The following TMEM266 variants were observed in gnomAD, a reference collection of about 807,000 sequenced individuals.
TMEM266 encodes Hv1 related protein 1.
TMEM266 carries 33 observed loss-of-function variants against 50.5 expected under a neutral mutation model. That is an observed-to-expected ratio of 0.65 (90% CI 0.50 to 0.87). The LOEUF is 0.87. TMEM266 is among the 40% of genes least tolerant of loss of function. The probability of loss-of-function intolerance (pLI) is 0.00; values close to 1 mark genes in which losing one functional copy is unlikely to be tolerated. For missense variants in TMEM266, 655 were observed against 695.1 expected (o/e 0.94, Z 0.65); for synonymous variants, 310 against 292.3 (o/e 1.06, Z -0.62).
intron 9 of TMEM266, among the ~76,000 whole-genome samples, chr15:76,194,487 T>A (rs1249778707): frequency 1.3e-5 from 2 of 152,192 alleles, no homozygotes; most frequent in African/African-American, 4.8e-5. Context: ...CCCACGCCCC[T>A]TAGGCTGGTG....
intron 8 of TMEM266, among the ~76,000 whole-genome samples, chr15:76,189,965 C>A (rs1349194599): frequency 6.6e-6 from 1 of 152,250 alleles, no homozygotes; most frequent in Non-Finnish European, 1.5e-5. Context: ...CCTATAGACA[C>A]TGACATTGGG....
intron 8 of TMEM266, among the ~76,000 whole-genome samples, chr15:76,187,755 TCA>T (rs1359763123): frequency 6.6e-6 from 1 of 152,218 alleles, no homozygotes; most frequent in East Asian, 1.9e-4. Context: ...GCATGAGGCC[TCA>T]GTCTTTGTCT....
At chr15:76,119,404 A>AAG (rs2037303933) in intron 1 of TMEM266, among the ~76,000 whole-genome samples, 1 of 149,972 alleles carries the variant, frequency 6.7e-6, no homozygotes, top group Non-Finnish European at 1.5e-5. Flanking sequence ...AAAAAAAAAA[A>AAG]AAAAAAAAGA....
intron 9 of TMEM266, among the ~76,000 whole-genome samples, chr15:76,197,321 T>G (rs899887019): frequency 1.3e-5 from 2 of 152,196 alleles, no homozygotes; most frequent in Non-Finnish European, 2.9e-5. Context: ...GGACATGGGT[T>G]TAGAACTGAG....
At chr15:76,090,268 G>T (rs2036830706) in intron 1 of TMEM266, among the ~76,000 whole-genome samples, 1 of 152,008 alleles carries the variant, frequency 6.6e-6, no homozygotes, top group South Asian at 2.1e-4. Context: ...GAGGTGGGTG[G>T]ATTGCTTGAG....
At chr15:76,094,707 A>G (rs1026723910) in intron 1 of TMEM266, among the ~76,000 whole-genome samples, 1 of 152,108 alleles carries the variant, frequency 6.6e-6, no homozygotes, top group East Asian at 1.9e-4. Flanking sequence ...TACTTTCAGC[A>G]GTATAGCCAT....
chr15:76,197,069 G>C (rs2038667582), intron 9 of TMEM266, among the ~76,000 whole-genome samples: 1 of 152,232 alleles, frequency 6.6e-6, no homozygotes, highest in Non-Finnish European at 1.5e-5. Context: ...ACTGCCGCAG[G>C]GGTGCATGCG....
At chr15:76,132,156 T>C (rs983302294) in intron 1 of TMEM266, among the ~76,000 whole-genome samples, 11 of 151,716 alleles carry the variant, frequency 7.3e-5, no homozygotes, top group Non-Finnish European at 1.5e-4. Context: ...TCGCCTAGGC[T>C]GGAGTGCAGT....
intron 1 of TMEM266, among the ~76,000 whole-genome samples, chr15:76,085,632 G>A (rs909268008): frequency 2.0e-5 from 3 of 152,150 alleles, no homozygotes; most frequent in Non-Finnish European, 4.4e-5. Context: ...TTATAAAATG[G>A]TATAGCCACT....
chr15:76,196,065 T>C (rs537916197), intron 9 of TMEM266, among the ~76,000 whole-genome samples: 1 of 152,278 alleles, frequency 6.6e-6, no homozygotes, highest in South Asian at 2.1e-4. Context: ...ACTGATAGGC[T>C]ATGTGTCACC....
chr15:76,129,555 A>G (rs1218224918), intron 1 of TMEM266, among the ~76,000 whole-genome samples: 1 of 152,032 alleles, frequency 6.6e-6, no homozygotes, highest in African/African-American at 2.4e-5. Flanking sequence ...GCAGGAGAAT[A>G]ACTTGAACCC....
intron 1 of TMEM266, among the ~76,000 whole-genome samples, chr15:76,095,099 C>A (rs887940525): frequency 3.3e-5 from 5 of 151,946 alleles, no homozygotes. Context: ...TTTGAATACC[C>A]TTTATTTCTT....
chr15:76,188,583 C>T (rs1313962348), intron 8 of TMEM266, among the ~76,000 whole-genome samples: 4 of 152,060 alleles, frequency 2.6e-5, no homozygotes, highest in South Asian at 2.1e-4. Flanking sequence ...GCCCGGGTGA[C>T]GGAGCAAGAC....
chr15:76,135,653 C>T (rs885388), intron 2 of TMEM266, among the ~76,000 whole-genome samples: 64,796 of 151,994 alleles, frequency 0.43, 15,270 homozygotes, highest in East Asian at 0.64. Context: ...TTGAGAAACA[C>T]TGAAACCTCA....
intron 1 of TMEM266, among the ~76,000 whole-genome samples, chr15:76,072,647 C>CT (rs1195063750): frequency 4.0e-5 from 6 of 149,870 alleles, no homozygotes; most frequent in South Asian, 2.1e-4. Flanking sequence ...TTTTTTCTTT[C>CT]TTTTTTTTTG....
chr15:76,190,520 C>T (rs2038552079), intron 8 of TMEM266, among the ~76,000 whole-genome samples: 1 of 150,922 alleles, frequency 6.6e-6, no homozygotes, highest in Non-Finnish European at 1.5e-5. Context: ...ACAGAAGCCA[C>T]GGCTGTAGGG....
Position 76,137,726 on chromosome 15 carries a change from A to G in TMEM266, c.58A>G (p.Ile20Val), listed in dbSNP as rs771915334. 2 of 1,614,130 alleles carry G rather than the reference A, an allele frequency of 1.2e-6. No individual in the cohort carries two copies. The highest frequency in any genetic ancestry group is 2.2e-5 in the South Asian group (2 of 91,084). The change falls in exon 3 of 11, where the codon ATT (isoleucine) becomes GTT (valine). Residue 20 changes from isoleucine to valine, a missense_variant. By Grantham distance (29) the Ile-to-Val change is conservative. Around this residue, in one of 3 missense-constraint regions of TMEM266, gnomAD observed 99 missense variants for 110.8 expected, o/e 0.89. Transcript: ENST00000388942. Reference sequence around the variant, plus strand: ...ACCCAGGCCTGCCATAGAAGGAGGAATTTCTGAAGTTGAGATCATCTCCCA... The same window carrying G: ...ACCCAGGCCTGCCATAGAAGGAGGAGTTTCTGAAGTTGAGATCATCTCCCA...
rs570941000 is a variant in TMEM266, at chr15:76,129,641, TCAAAA to T, written c.-96-4522_-96-4518del. On this transcript the variant is annotated intron_variant, in intron 1 of 10. Transcript: ENST00000388942. Reference sequence around the variant, plus strand: ...TGGGCAACAAGAGTGAAACTCCATCTCAAAACAAATAAATAAACAAAAAACAAAAC... The same window carrying T: ...TGGGCAACAAGAGTGAAACTCCATCTCAAATAAATAAACAAAAAACAAAAC... Among the ~76,000 whole-genome samples the T allele has an allele frequency of 5.4e-3, 820 of 150,872 alleles. 6 individuals carry two copies. The highest frequency in any genetic ancestry group is 0.019 in the African/African-American group (787 of 41,068).
chr15:76,140,638 T>TGA (rs1408330668), intron 3 of TMEM266, among the ~76,000 whole-genome samples: 1 of 152,178 alleles, frequency 6.6e-6, no homozygotes, highest in Admixed American at 6.5e-5. Context: ...TCCCTGAATC[T>TGA]GAGACCGTTA....
Sources: gnomAD v4.1 joint callset for allele counts (sites outside exome capture counted in the v4.1 genomes callset) on GRCh38, gnomAD v4.1.1 for gene constraint, gnomAD v4.1.1 regional missense constraint, MANE v1.5 for transcripts, NCBI Gene and HGNC (gene_info 2026-07-23, HGNC 2026-07-21) for gene names.